Variants in GRID2 observed in about 807,000 individuals in gnomAD.
GRID2 encodes glutamate ionotropic receptor delta type subunit 2.
In GRID2, 33 loss-of-function variants were observed where a neutral mutation model predicts 114.8. That is an observed-to-expected ratio of 0.29 (90% CI 0.22 to 0.38). GRID2 has a LOEUF of 0.38. GRID2 is among the 10% of genes least tolerant of loss of function. The pLI is 1.00. For missense variants in GRID2, 1,184 were observed against 1,257.7 expected (o/e 0.94, Z 0.89); for synonymous variants, 505 against 449.9 (o/e 1.12, Z -1.55).
At chr4:92,861,152 A>G (rs1744505467) in intron 2 of GRID2, among the ~76,000 whole-genome samples, 1 of 152,068 alleles carries the variant, frequency 6.6e-6, no homozygotes, top group Admixed American at 6.6e-5. Flanking sequence ...CTACATCTAT[A>G]TTAGTTTTCT....
intron 2 of GRID2, among the ~76,000 whole-genome samples, chr4:92,851,497 A>G (rs1264796852): frequency 6.6e-6 from 1 of 151,950 alleles, no homozygotes; most frequent in African/African-American, 2.4e-5. Flanking sequence ...TTAATAAAAC[A>G]TATAATAGCT....
intron 14 of GRID2, among the ~76,000 whole-genome samples, chr4:93,667,632 C>T (rs1336916770): frequency 1.3e-5 from 2 of 151,942 alleles, no homozygotes; most frequent in African/African-American, 2.4e-5. Flanking sequence ...GAAAATATAT[C>T]ACTGTTACTT....
chr4:93,777,226 G>C (rs1217147147), downstream of GRID2, among the ~76,000 whole-genome samples: 1 of 152,166 alleles, frequency 6.6e-6, no homozygotes, highest in Non-Finnish European at 1.5e-5. Context: ...TAATGATTCA[G>C]CCTACCACTG....
chr4:92,354,957 A>T (rs1413439952), intron 1 of GRID2, among the ~76,000 whole-genome samples: 1 of 151,898 alleles, frequency 6.6e-6, no homozygotes, highest in African/African-American at 2.4e-5. Context: ...TTATTTCTGA[A>T]AATTGTGCCC....
chr4:93,110,291 T>C (rs1001090205), intron 3 of GRID2, among the ~76,000 whole-genome samples: 7 of 152,200 alleles, frequency 4.6e-5, no homozygotes, highest in Non-Finnish European at 7.3e-5. Context: ...AGTTTAGTGA[T>C]ACTGTTGCCT....
chr4:92,487,169 GATTT>G (rs1722937980), intron 1 of GRID2, among the ~76,000 whole-genome samples: 2 of 151,760 alleles, frequency 1.3e-5, no homozygotes, highest in African/African-American at 4.8e-5. Flanking sequence ...ATATTTCATT[GATTT>G]ATTTCTCATT....
chr4:92,489,349 T>C (rs556490765), intron 1 of GRID2, among the ~76,000 whole-genome samples: 3 of 152,274 alleles, frequency 2.0e-5, no homozygotes, highest in African/African-American at 7.2e-5. Context: ...AATTATATAA[T>C]TAGATACATC....
At chr4:92,631,617 T>C (rs539980121) in intron 2 of GRID2, among the ~76,000 whole-genome samples, 4 of 152,074 alleles carry the variant, frequency 2.6e-5, no homozygotes, top group African/African-American at 9.6e-5. Context: ...TACATAAGAG[T>C]TTTAACTTTT....
At chr4:92,573,690 T>C (rs148077913) in intron 1 of GRID2, among the ~76,000 whole-genome samples, 2,030 of 152,308 alleles carry the variant, frequency 0.013, 33 homozygotes, top group African/African-American at 0.046. Flanking sequence ...TTTGTTATTA[T>C]TTCAATTATC....
At chr4:92,766,522 GCA>G (rs1738276101) in intron 2 of GRID2, among the ~76,000 whole-genome samples, 1 of 118,968 alleles carries the variant, frequency 8.4e-6, no homozygotes. Flanking sequence ...GGGCGACAGA[GCA>G]AGACTCCTTC....
chr4:92,572,845 A>T (rs1367798673), intron 1 of GRID2, among the ~76,000 whole-genome samples: 4 of 151,096 alleles, frequency 2.6e-5, no homozygotes, highest in Admixed American at 1.3e-4. Context: ...AGAATGAGTT[A>T]AGGAGGAGTC....
At chr4:92,850,167 G>A (rs894665937) in intron 2 of GRID2, among the ~76,000 whole-genome samples, 3 of 151,038 alleles carry the variant, frequency 2.0e-5, no homozygotes, top group Non-Finnish European at 3.0e-5. Flanking sequence ...TGTTTTTCTA[G>A]TAATATATAT....
At chr4:92,746,524 G>T (rs1737156846) in intron 2 of GRID2, among the ~76,000 whole-genome samples, 1 of 151,994 alleles carries the variant, frequency 6.6e-6, no homozygotes, top group Admixed American at 6.6e-5. Flanking sequence ...TATTAGATGT[G>T]TTTACCTGAA....
intron 4 of GRID2, among the ~76,000 whole-genome samples, chr4:93,179,232 C>T (rs1739652353): frequency 6.6e-6 from 1 of 152,146 alleles, no homozygotes; most frequent in Admixed American, 6.6e-5. Context: ...AATTCACAGA[C>T]ACTGTTGGAC....
At chr4:93,367,421 C>T (rs1376204062) in intron 8 of GRID2, among the ~76,000 whole-genome samples, 1 of 151,868 alleles carries the variant, frequency 6.6e-6, no homozygotes, top group African/African-American at 2.4e-5. Context: ...ACAAAAATGA[C>T]TAATTTATTT....
At position 93,044,579 on chromosome 4, in the gene GRID2, G is replaced by A. The variant is rs575639015; in HGVS notation, c.245-40416G>A. 2.0e-5 allele frequency among the ~76,000 whole-genome samples: 3 copies of A among 152,168 alleles called. No homozygotes were observed. In the South Asian group the frequency reaches 6.2e-4, roughly 32 times the overall value. On this transcript the variant is annotated intron_variant, in intron 2 of 15. Coordinates refer to ENST00000282020, the MANE Select transcript of GRID2 (RefSeq NM_001510.4). ...TGCATCAGTCATCTATATTAATGTT[G>A]AAAAATCAAAGAGAAAATAGGAGAT...
intron 14 of GRID2, among the ~76,000 whole-genome samples, chr4:93,741,548 GCATTAACAGATGTC>G (rs895077745): frequency 1.1e-4 from 16 of 152,038 alleles, no homozygotes; most frequent in Non-Finnish European, 2.1e-4. Flanking sequence ...TGAAATGCTG[GCATTAACAGATGTC>G]CATGGCACAC....
chr4:92,425,420 C>A (rs546321450), intron 1 of GRID2, among the ~76,000 whole-genome samples: 3 of 152,004 alleles, frequency 2.0e-5, no homozygotes, highest in Non-Finnish European at 4.4e-5. Flanking sequence ...TGTTAGCTAG[C>A]GACTGATCAC....
At chr4:93,626,468 G>T (rs1742743430) in intron 14 of GRID2, 33 bp downstream of exon 14, 1 of 1,436,860 alleles carries the variant, frequency 7.0e-7, no homozygotes, top group Non-Finnish European at 9.6e-7. Flanking sequence ...TAAGGGGAGA[G>T]ATGAAATTTA....
Sources: allele counts gnomAD v4.1 joint callset (sites outside exome capture counted in the v4.1 genomes callset), GRCh38; gene constraint gnomAD v4.1.1; transcripts MANE v1.5; gene names NCBI Gene and HGNC (gene_info 2026-07-23, HGNC 2026-07-21).